The following RGS10 variants were observed in gnomAD, a reference collection of about 807,000 sequenced individuals.
The protein encoded by RGS10 is regulator of G protein signaling 10, also known as regulator of G-protein signalling 10.
A neutral mutation model predicts 23.5 loss-of-function variants in RGS10; 11 were observed. The ratio of observed to expected loss-of-function variants is 0.47; its 90% CI spans 0.29 to 0.77. The LOEUF is 0.77. RGS10 is among the 30% of genes least tolerant of loss of function. RGS10 has a pLI of 0.08. For missense variants in RGS10, 180 were observed against 226.3 expected (o/e 0.80, Z 1.31); for synonymous variants, 77 against 83.2 (o/e 0.92, Z 0.41).
chr10:119,523,026 T>C (rs996803271), intron 3 of RGS10, among the ~76,000 whole-genome samples: 4 of 149,356 alleles, frequency 2.7e-5, no homozygotes, highest in African/African-American at 9.9e-5. Context: ...TTTTTTTTGG[T>C]ATTTTTTGTA....
chr10:119,527,306 C>T lies in RGS10; in HGVS notation c.168G>A (p.Arg56=). The T allele has an allele frequency of 6.2e-7, 1 of 1,610,066 alleles. No individual in the cohort carries two copies. ...LEDPEGVKRF[R]EFLKKEFSEE... is the part of the protein sequence containing the mutation. ...CCGATTAACAATGAAAAAGACAAAC[C>T]CTAAATCTTTTCACGCCTTCTGGGT... Residue 56 remains arginine, a splice_region_variant and synonymous_variant, in exon 2 of 5, where the codon AGG becomes AGA. Transcript: ENST00000369103. This position sits in a 1 kb window ranked among gnomAD's most constrained non-coding sequence, Gnocchi z 4.2.
At chr10:119,540,896 C>A (rs933165240) in intron 1 of RGS10, among the ~76,000 whole-genome samples, 1 of 152,176 alleles carries the variant, frequency 6.6e-6, no homozygotes, top group Non-Finnish European at 1.5e-5. Flanking sequence ...AATCCCATAA[C>A]CCTATGAAAC....
intron 3 of RGS10, among the ~76,000 whole-genome samples, chr10:119,519,877 C>G (rs545873588): frequency 6.6e-6 from 1 of 152,242 alleles, no homozygotes; most frequent in South Asian, 2.1e-4. Context: ...ATGTCCCCCC[C>G]AGATTTCAGA....
intron 3 of RGS10, among the ~76,000 whole-genome samples, chr10:119,522,693 G>A (rs1291595861): frequency 6.6e-6 from 1 of 150,534 alleles, no homozygotes; most frequent in Non-Finnish European, 1.5e-5. Flanking sequence ...ACTCTAGCCT[G>A]GGCGAGAAGA....
rs2133942332 is a variant in RGS10 at position 119,499,961 on chromosome 10, T to C, written c.*152A>G. On this transcript the variant is annotated 3_prime_UTR_variant, in exon 5 of 5. Transcript: ENST00000369103. ...TGTTAGCTTAGCCATCATGCAAAAT[T>C]TACTGGTGAAGCAGTTAATAAAACA... 1.5e-6 allele frequency: 1 copy of C among 656,374 alleles called. No homozygotes were observed. The highest frequency in any genetic ancestry group is 2.8e-5 in the South Asian group (1 of 36,134). The allele number at this position is 656,374 out of a possible 1,614,324, so 40.7% of individuals were successfully genotyped here.
chr10:119,532,202 T>C (rs1844338812), intron 1 of RGS10, among the ~76,000 whole-genome samples: 1 of 152,208 alleles, frequency 6.6e-6, no homozygotes, highest in Non-Finnish European at 1.5e-5. Context: ...CCCCACCCTT[T>C]TCAAATCCAT....
chr10:119,520,793 T>G, intron 3 of RGS10, among the ~76,000 whole-genome samples: 1 of 121,346 alleles, frequency 8.2e-6, no homozygotes, highest in African/African-American at 3.4e-5. Context: ...GAAGATGTAG[T>G]CAAAATCTCC....
In RGS10 at chr10:119,542,704, C is replaced by T. The variant is rs1844447800; in HGVS notation, c.-66G>A. On this transcript the variant is annotated 5_prime_UTR_variant, in exon 1 of 5. Transcript: ENST00000369103. ...GCGCGGCGGCTGAGCCGGAGGAAGG[C>T]GAGGAGGAGGAGGAGGGCGAGGAGG... 7.9e-7 allele frequency: 1 copy of T among 1,264,942 alleles called. No individual in the cohort carries two copies. The highest frequency in any genetic ancestry group is 1.0e-6 in the Non-Finnish European group (1 of 988,620). The allele number at this position is 1,264,942 out of a possible 1,614,324, so 78.4% of individuals were successfully genotyped here. A position where few individuals can be genotyped will look rare whatever the true frequency, so the allele number is the denominator to read the frequency against.
At chr10:119,504,994 C>A (rs1843994046) in intron 4 of RGS10, among the ~76,000 whole-genome samples, 1 of 152,138 alleles carries the variant, frequency 6.6e-6, no homozygotes, top group Non-Finnish European at 1.5e-5. Context: ...GGAGGCTCAT[C>A]CAGTTGGCTT....
At chr10:119,540,200 T>C (rs1844423811) in intron 1 of RGS10, among the ~76,000 whole-genome samples, 1 of 152,118 alleles carries the variant, frequency 6.6e-6, no homozygotes, top group Non-Finnish European at 1.5e-5. Context: ...CAATCCATGA[T>C]GTTTAGTGGC....
intron 4 of RGS10, among the ~76,000 whole-genome samples, chr10:119,514,185 G>A (rs907218803): frequency 2.0e-5 from 3 of 151,842 alleles, no homozygotes; most frequent in Admixed American, 6.6e-5. Flanking sequence ...GTAAAACCCC[G>A]TCTCTACTAA....
chr10:119,530,695 T>C (rs916976638), intron 1 of RGS10, among the ~76,000 whole-genome samples: 1 of 152,228 alleles, frequency 6.6e-6, no homozygotes, highest in Non-Finnish European at 1.5e-5. Flanking sequence ...CATAGTGGCA[T>C]GTGCCTTTAG....
intron 4 of RGS10, among the ~76,000 whole-genome samples, chr10:119,506,171 C>G (rs749934692): frequency 1.3e-5 from 2 of 152,136 alleles, no homozygotes; most frequent in African/African-American, 4.8e-5. Context: ...ACGAGGCTGT[C>G]GGGGCAAGGC....
intron 4 of RGS10, among the ~76,000 whole-genome samples, chr10:119,513,421 C>CA (rs1844099845): frequency 6.6e-6 from 1 of 152,040 alleles, no homozygotes; most frequent in African/African-American, 2.4e-5. Context: ...GTTCATGCCA[C>CA]TGTGCTCCAA....
In RGS10 at chr10:119,542,647, G is replaced by T. The variant is rs532855158; in HGVS notation, c.-9C>A. On this transcript the variant is annotated 5_prime_UTR_variant, in exon 1 of 5. Coordinates refer to ENST00000369103, the MANE Select transcript of RGS10 (RefSeq NM_001005339.2). Reference sequence around the variant, plus strand: ...ACGGCGCGGTTGAACATCGCCGCGGGCGCCCGAGGAGGAAGAAGGAGCAGC... The same window carrying T: ...ACGGCGCGGTTGAACATCGCCGCGGTCGCCCGAGGAGGAAGAAGGAGCAGC... 6.8e-5 allele frequency: 95 copies of T among 1,400,724 alleles called. No homozygotes were observed. The South Asian group carries it at 1.3e-3, about 20-fold the overall frequency. 86.8% of individuals were successfully genotyped at this position (1,400,724 alleles called of 1,614,324 possible).
intron 3 of RGS10, among the ~76,000 whole-genome samples, chr10:119,518,494 C>T (rs543495327): frequency 3.9e-5 from 6 of 152,308 alleles, no homozygotes; most frequent in East Asian, 3.9e-4. Context: ...TGCAGGTGCA[C>T]GATCAGGAGA....
chr10:119,509,554 G>A (rs1030572836), intron 4 of RGS10, among the ~76,000 whole-genome samples: 1 of 152,182 alleles, frequency 6.6e-6, no homozygotes, highest in African/African-American at 2.4e-5. Context: ...TCACACCACT[G>A]TACTCCAGCC....
At position 119,500,262 on chromosome 10, in the gene RGS10, A is replaced by G; in HGVS notation, c.400-3T>C. ...TCGTACTTCATGAGATTAAAGATCT[A>G]AGGAGGAAAAGAAAAAAGAGTCTGA... On this transcript the variant is annotated splice_polypyrimidine_tract_variant and splice_region_variant and intron_variant, in intron 4 of 4. Coordinates refer to ENST00000369103, the MANE Select transcript of RGS10 (RefSeq NM_001005339.2). The G allele has an allele frequency of 1.2e-6, 2 of 1,604,286 alleles. No individual in the cohort carries two copies. The highest frequency in any genetic ancestry group is 1.7e-4 in the Middle Eastern group (1 of 6,000).
intron 4 of RGS10, 126 bp downstream of exon 4, chr10:119,515,383 C>G (rs1844129778): frequency 8.6e-7 from 1 of 1,162,974 alleles, no homozygotes; most frequent in East Asian, 2.5e-5. Flanking sequence ...CTCAGTGTAC[C>G]TCGGTCTGCC....
Sources: allele counts gnomAD v4.1 joint callset (sites outside exome capture counted in the v4.1 genomes callset), GRCh38; gene constraint gnomAD v4.1.1; non-coding constraint Gnocchi (gnomAD v3.1); transcripts MANE v1.5; gene names NCBI Gene and HGNC (gene_info 2026-07-23, HGNC 2026-07-21).